SEC24D: variants seen among roughly 807,000 people sequenced by gnomAD.
The protein encoded by SEC24D is SEC24 homolog D, COPII component, also known as protein transport protein Sec24D.
A neutral mutation model predicts 116.9 loss-of-function variants in SEC24D; 69 were observed. That is an observed-to-expected ratio of 0.59 (90% CI 0.49 to 0.72). SEC24D has a LOEUF of 0.72. SEC24D is among the 30% of genes least tolerant of loss of function. The pLI, the probability that SEC24D is intolerant of heterozygous loss-of-function variation, is 0.00. For missense variants in SEC24D, 1,131 were observed against 1,264.1 expected, an observed-to-expected ratio of 0.89 and a Z score of 1.60; for synonymous variants, 405 against 442.8, an observed-to-expected ratio of 0.91 and a Z score of 1.07.
chr4:118,774,148 T>G (rs1332618996), intron 8 of SEC24D, among the ~76,000 whole-genome samples: 1 of 152,010 alleles, frequency 6.6e-6, no homozygotes, highest in Non-Finnish European at 1.5e-5. Flanking sequence ...TCAGAAGATT[T>G]TAGTTTTCTT....
At chr4:118,752,185 T>A (rs1578399550) in intron 12 of SEC24D, 96 bp from the exon 13 acceptor site, 2 of 793,634 alleles carry the variant, frequency 2.5e-6, no homozygotes, top group East Asian at 5.2e-5. Context: ...TAAACACATA[T>A]GGTATTTATT....
At position 118,805,924 on chromosome 4, in the gene SEC24D, T is replaced by C. The variant is rs770801320; in HGVS notation, c.832A>G (p.Arg278Gly). 3.8e-6 allele frequency: 6 copies of C among 1,596,810 alleles called. No homozygotes were observed. The South Asian group carries it at 5.8e-5, about 15-fold the overall frequency. ...TTGGTGGCATAAACTTGTCCTCCTC[T>C]GCTGGCTCTATCATTCTCAATCACC... ...IQVIENDRAS[R>G]GGQVYATNTR... Residue 278 changes from arginine (R) to glycine (G), a missense_variant, in exon 7 of 23, where the codon AGA (arginine) becomes GGA (glycine). Physicochemically the swap from Arg to Gly is moderately radical, Grantham distance 125 (BLOSUM62 -2). Coordinates refer to ENST00000280551, the MANE Select transcript of SEC24D (RefSeq NM_014822.4).
chr4:118,829,048 G>A (rs540540707), intron 2 of SEC24D, among the ~76,000 whole-genome samples: 4 of 152,296 alleles, frequency 2.6e-5, no homozygotes, highest in South Asian at 2.1e-4. Context: ...CCCCTGCCAC[G>A]TGCTTCCATA....
At chr4:118,786,332 T>C (rs981608103) in intron 8 of SEC24D, among the ~76,000 whole-genome samples, 1 of 152,236 alleles carries the variant, frequency 6.6e-6, no homozygotes, top group Non-Finnish European at 1.5e-5. Context: ...TTCTTAAAAG[T>C]ATAATTTTGT....
intron 6 of SEC24D, 26 bp from the exon 7 acceptor site, chr4:118,805,980 G>A (rs751991720): frequency 2.1e-5 from 30 of 1,443,216 alleles, no homozygotes; most frequent in East Asian, 9.2e-5. Flanking sequence ...TCAAGAGCCC[G>A]TTAAAGTAGG....
intron 22 of SEC24D, among the ~76,000 whole-genome samples, chr4:118,725,825 G>A (rs1421157454): frequency 3.3e-5 from 5 of 152,156 alleles, no homozygotes; most frequent in Non-Finnish European, 7.4e-5. Flanking sequence ...AAGGTCTCAG[G>A]GGAGTGGAGT....
intron 9 of SEC24D, among the ~76,000 whole-genome samples, chr4:118,765,474 T>A (rs1042437495): frequency 2.0e-5 from 3 of 152,200 alleles, no homozygotes; most frequent in African/African-American, 7.2e-5. Flanking sequence ...TTAATTTGAT[T>A]CAAATGTCTA....
chr4:118,727,160 T>C (rs1372318414), intron 22 of SEC24D, among the ~76,000 whole-genome samples: 1 of 152,206 alleles, frequency 6.6e-6, no homozygotes, highest in Non-Finnish European at 1.5e-5. Flanking sequence ...CCCAGATTCC[T>C]TTCAACTCTG....
chr4:118,807,819 T>C (rs1729738664), intron 6 of SEC24D, among the ~76,000 whole-genome samples: 1 of 152,182 alleles, frequency 6.6e-6, no homozygotes, highest in Non-Finnish European at 1.5e-5. Context: ...GATTAAAATA[T>C]AAAATGGCTC....
intron 10 of SEC24D, chr4:118,760,286 G>A (rs1187772738): frequency 6.6e-6 from 1 of 152,198 alleles, no homozygotes; most frequent in African/African-American, 2.4e-5. Flanking sequence ...TTTTCAGCTT[G>A]CAAAACTGAA....
chr4:118,815,002 A>G, intron 6 of SEC24D, 26 bp downstream of exon 6: 1 of 1,610,278 alleles, frequency 6.2e-7, no homozygotes. Context: ...TGTGAGTGAG[A>G]CTGTGAGAGT....
intron 15 of SEC24D, among the ~76,000 whole-genome samples, chr4:118,741,699 C>A (rs529928825): frequency 6.6e-6 from 1 of 152,124 alleles, no homozygotes; most frequent in Non-Finnish European, 1.5e-5. Context: ...CACTGACGCA[C>A]GCATCTCATC....
At chr4:118,749,023 C>CTT (rs930906769) in intron 13 of SEC24D, among the ~76,000 whole-genome samples, 1 of 144,396 alleles carries the variant, frequency 6.9e-6, no homozygotes, top group African/African-American at 2.5e-5. Context: ...TTTTTTTCTT[C>CTT]TTTTTTTTTT....
In SEC24D at chr4:118,730,337, T is replaced by C. The variant is rs905771499; in HGVS notation, c.2868+979A>G. 10 of 152,338 alleles carry C rather than the reference T, an allele frequency of 6.6e-5. No homozygotes were observed. In the South Asian group the frequency reaches 1.5e-3, roughly 22 times the overall value. 9.4% of individuals were successfully genotyped at this position (152,338 alleles called of 1,614,324 possible). ...TTAAAACCAATCTCTAACTGGAATA[T>C]TGATGCCCCTGAATTCTCTTAAAAA... On this transcript the variant is annotated intron_variant, in intron 21 of 22. Coordinates refer to ENST00000280551, the MANE Select transcript of SEC24D (RefSeq NM_014822.4).
In SEC24D at chr4:118,723,660, GA is replaced by G. The variant is rs140990828; in HGVS notation, c.2959-6del. 166 of 1,430,820 alleles carry G rather than the reference GA, an allele frequency of 1.2e-4. No individual in the cohort carries two copies. The highest frequency in any genetic ancestry group is 1.1e-3 in the East Asian group (41 of 38,900). The allele number at this position is 1,430,820 out of a possible 1,614,324, so 88.6% of individuals were successfully genotyped here. ...TCGCTGCTTTACAATTGTGAGCTAG[GA>G]AAAAAAAAACAAAACAGTAACAGCC... On this transcript the variant is annotated splice_polypyrimidine_tract_variant and splice_region_variant and intron_variant, in intron 22 of 22. Transcript: ENST00000280551.
At chr4:118,834,510 G>C (rs1263536073) in intron 1 of SEC24D, among the ~76,000 whole-genome samples, 3 of 151,492 alleles carry the variant, frequency 2.0e-5, no homozygotes, top group Non-Finnish European at 4.4e-5. Flanking sequence ...ATTCTAATCA[G>C]AACCCAAATT....
chr4:118,740,583 T>TG, intron 17 of SEC24D, 80 bp downstream of exon 17: 1 of 1,453,258 alleles, frequency 6.9e-7, no homozygotes, highest in Non-Finnish European at 9.5e-7. Flanking sequence ...CTAACACATT[T>TG]GATGGTATTT....
intron 6 of SEC24D, 25 bp from the exon 7 acceptor site, chr4:118,805,979 C>G: frequency 6.8e-7 from 1 of 1,480,914 alleles, no homozygotes; most frequent in Non-Finnish European, 9.4e-7. Context: ...ATCAAGAGCC[C>G]GTTAAAGTAG....
In SEC24D at chr4:118,790,818, A is replaced by C. The variant is rs569089161; in HGVS notation, c.1041+6865T>G. On this transcript the variant is annotated intron_variant, in intron 8 of 22. Transcript: ENST00000280551. ...ATTTTAAAAAACACTGTACTAAATA[A>C]ATACTTTGGTAGATGTCAAAGCAGC... is the stretch of plus-strand genomic sequence containing the variant. Among the ~76,000 whole-genome samples, 4 of 150,722 alleles carry C rather than the reference A, an allele frequency of 2.7e-5. No homozygotes were observed. The South Asian group carries it at 6.4e-4, about 24-fold the overall frequency.
Sources: allele counts gnomAD v4.1 joint callset (sites outside exome capture counted in the v4.1 genomes callset), GRCh38; gene constraint gnomAD v4.1.1; transcripts MANE v1.5; gene names NCBI Gene and HGNC (gene_info 2026-07-23, HGNC 2026-07-21).